GPR39: variants seen among roughly 807,000 people sequenced by gnomAD.
The protein encoded by GPR39 is G protein-coupled receptor 39, also known as zinc sensing receptor.
In GPR39, 23 loss-of-function variants were observed where a neutral mutation model predicts 18.4. That is an observed-to-expected ratio of 1.25 (90% confidence interval 0.90 to 1.77). GPR39 has a LOEUF of 1.77. GPR39 is among the 40% of genes most tolerant of loss of function. The pLI is 0.00. For missense variants in GPR39, 647 were observed against 602.4 expected, an observed-to-expected ratio of 1.07 and a Z score of -0.78; for synonymous variants, 280 against 257.9, an observed-to-expected ratio of 1.09 and a Z score of -0.82.
At chr2:132,498,979 G>T (rs1230484133) in intron 1 of GPR39, among the ~76,000 whole-genome samples, 1 of 151,992 alleles carries the variant, frequency 6.6e-6, no homozygotes, top group African/African-American at 2.4e-5. Context: ...TCGGATGTAT[G>T]GATTGTGAAG....
intron 1 of GPR39, among the ~76,000 whole-genome samples, chr2:132,434,306 T>G (rs540292818): frequency 2.7e-4 from 41 of 152,268 alleles, no homozygotes; most frequent in Non-Finnish European, 4.6e-4. Context: ...AACTCCTGAG[T>G]CTTGAAGGGA....
intron 1 of GPR39, among the ~76,000 whole-genome samples, chr2:132,461,127 C>T (rs12612609): frequency 0.2 from 30,143 of 152,098 alleles, 3,990 homozygotes; most frequent in East Asian, 0.66. Flanking sequence ...CTAGAATAAT[C>T]GTATAAGACC....
intron 1 of GPR39, among the ~76,000 whole-genome samples, chr2:132,496,315 A>G (rs977878871): frequency 1.3e-5 from 2 of 152,164 alleles, no homozygotes; most frequent in African/African-American, 4.8e-5. Context: ...CAGTATCATA[A>G]ATTTCCTATA....
Position 132,572,161 on chromosome 2 carries a change from C to T in GPR39, c.857-72940C>T, listed in dbSNP as rs146867107. Among the ~76,000 whole-genome samples, 41 of 152,300 alleles carry T rather than the reference C, an allele frequency of 2.7e-4. No individual in the cohort carries two copies. The East Asian group carries it at 6.6e-3, about 24-fold the overall frequency. ...GGCTTTCCTGGGTTATGTTTCTTTC[C>T]TGATCTGCTTTCCGTAGGGGCAGGT... On this transcript the variant is annotated intron_variant, in intron 1 of 1. Transcript: ENST00000329321.
chr2:132,577,190 C>A (rs1433381044), intron 1 of GPR39, among the ~76,000 whole-genome samples: 1 of 151,936 alleles, frequency 6.6e-6, no homozygotes, highest in Non-Finnish European at 1.5e-5. Context: ...AACCCCATCT[C>A]TACAAAAAAT....
At chr2:132,627,767 A>C (rs1409305465) in intron 1 of GPR39, among the ~76,000 whole-genome samples, 1 of 152,048 alleles carries the variant, frequency 6.6e-6, no homozygotes, top group African/African-American at 2.4e-5. Flanking sequence ...GCCGTGGGGG[A>C]GGAGAAAAAG....
At chr2:132,564,216 TGTTA>T (rs1680307553) in intron 1 of GPR39, among the ~76,000 whole-genome samples, 1 of 152,130 alleles carries the variant, frequency 6.6e-6, no homozygotes, top group African/African-American at 2.4e-5. Context: ...AATGTAATAG[TGTTA>T]GTTTACACAT....
chr2:132,533,345 A>G (rs1679677903), intron 1 of GPR39, among the ~76,000 whole-genome samples: 2 of 151,484 alleles, frequency 1.3e-5, no homozygotes, highest in East Asian at 2.0e-4. Context: ...GAAATAAAAG[A>G]GGATACAAAC....
chr2:132,628,259 G>A (rs1681587921), intron 1 of GPR39, among the ~76,000 whole-genome samples: 1 of 152,134 alleles, frequency 6.6e-6, no homozygotes, highest in Admixed American at 6.5e-5. Context: ...CTGCCCTACT[G>A]CTTCCCAGCC....
At chr2:132,467,546 C>A (rs1215254149) in intron 1 of GPR39, among the ~76,000 whole-genome samples, 3 of 152,094 alleles carry the variant, frequency 2.0e-5, no homozygotes, top group Non-Finnish European at 4.4e-5. Context: ...TGTGCATGTA[C>A]CCTCTGAATC....
chr2:132,640,383 T>A (rs183118149), intron 1 of GPR39, among the ~76,000 whole-genome samples: 1 of 152,362 alleles, frequency 6.6e-6, no homozygotes, highest in Admixed American at 6.5e-5. Context: ...TAATGGCTCT[T>A]GTCATTTTAG....
At chr2:132,594,328 G>T (rs1680899569) in intron 1 of GPR39, among the ~76,000 whole-genome samples, 1 of 152,072 alleles carries the variant, frequency 6.6e-6, no homozygotes, top group Non-Finnish European at 1.5e-5. Context: ...TGATCTCTCA[G>T]TCTAAAGAGT....
chr2:132,644,989 C>A lies in GPR39; in HGVS notation c.857-112C>A, dbSNP rs1681974883. 3.2e-5 allele frequency: 39 copies of A among 1,237,010 alleles called. 1 individual carries two copies. Among genetic ancestry groups the A allele is most frequent in the Non-Finnish European group, 4.2e-5 (38 of 900,706 alleles). The allele number at this position is 1,237,010 out of a possible 1,614,324, so 76.6% of individuals were successfully genotyped here. A position where few individuals can be genotyped will look rare whatever the true frequency, so the allele number is the denominator to read the frequency against. The stretch of plus-strand genomic sequence containing the variant: ...CTGAAAAATTGGTACCATTTCCTGG[C>A]CAGTAAGCACAGAACAGAGGGGCTA... On this transcript the variant is annotated intron_variant, in intron 1 of 1. Transcript: ENST00000329321.
chr2:132,619,373 C>T (rs888365761), intron 1 of GPR39, among the ~76,000 whole-genome samples: 2 of 152,114 alleles, frequency 1.3e-5, no homozygotes, highest in South Asian at 2.1e-4. Context: ...GTTTGCCCAC[C>T]GAGCGTGTCT....
intron 1 of GPR39, among the ~76,000 whole-genome samples, chr2:132,588,534 G>A (rs1680771212): frequency 6.6e-6 from 1 of 152,166 alleles, no homozygotes; most frequent in South Asian, 2.1e-4. Flanking sequence ...ATTATCTGGA[G>A]GCTGCTTCAC....
intron 1 of GPR39, among the ~76,000 whole-genome samples, chr2:132,586,158 A>G (rs1237818163): frequency 6.6e-6 from 1 of 151,970 alleles, no homozygotes; most frequent in Non-Finnish European, 1.5e-5. Context: ...CCTCAAAGAA[A>G]GACGGTAAAG....
chr2:132,459,321 T>C (rs542856878), intron 1 of GPR39, among the ~76,000 whole-genome samples: 5 of 152,350 alleles, frequency 3.3e-5, no homozygotes, highest in African/African-American at 1.2e-4. Flanking sequence ...GAGAAATCTC[T>C]TTCTTCATTA....
At chr2:132,427,188 G>C (rs1433381459) in intron 1 of GPR39, among the ~76,000 whole-genome samples, 2 of 113,960 alleles carry the variant, frequency 1.8e-5, no homozygotes, top group African/African-American at 7.3e-5. Context: ...TTTTTGAGAC[G>C]GAGTCTTGCT....
At chr2:132,583,372 A>G (rs1357025284) in intron 1 of GPR39, among the ~76,000 whole-genome samples, 1 of 135,786 alleles carries the variant, frequency 7.4e-6, no homozygotes, top group Non-Finnish European at 1.6e-5. Flanking sequence ...CAACAAATAC[A>G]CATATCCCTC....
Sources: allele counts gnomAD v4.1 joint callset (sites outside exome capture counted in the v4.1 genomes callset), GRCh38; gene constraint gnomAD v4.1.1; transcripts MANE v1.5; gene names NCBI Gene and HGNC (gene_info 2026-07-23, HGNC 2026-07-21).